Variants in SPECC1 observed in about 807,000 individuals in gnomAD.
SPECC1 encodes the protein cytospin-B.
SPECC1 carries 62 observed loss-of-function variants against 104.1 expected under a neutral mutation model. The observed-to-expected ratio is 0.60, with a 90% confidence interval of 0.49 to 0.74. The LOEUF (loss-of-function observed/expected upper bound fraction) is 0.74. Among genes scored for constraint, SPECC1 ranks in the 30% least tolerant of loss-of-function variants. The pLI is 0.00. For missense variants in SPECC1, 1,306 were observed against 1,310.5 expected, an observed-to-expected ratio of 1.00 and a Z score of 0.05; for synonymous variants, 513 against 501.6, an observed-to-expected ratio of 1.02 and a Z score of -0.30.
chr17:20,010,733 G>T (rs927802085), intron 1 of SPECC1, among the ~76,000 whole-genome samples: 3 of 152,084 alleles, frequency 2.0e-5, no homozygotes, highest in African/African-American at 7.2e-5. Context: ...GATTACTCTC[G>T]CTGCAGTGTT....
chr17:20,053,744 G>A (rs1422962129), intron 1 of SPECC1, among the ~76,000 whole-genome samples: 6 of 152,222 alleles, frequency 3.9e-5, no homozygotes, highest in Non-Finnish European at 8.8e-5. Flanking sequence ...CCCCAGTTGA[G>A]CCTTCAGATG....
chr17:20,310,760 G>A lies in SPECC1; in HGVS notation c.3118-3216G>A, dbSNP rs1310825029. Among the ~76,000 whole-genome samples the A allele has an allele frequency of 4.6e-5, 7 of 152,324 alleles. No homozygotes were observed. The East Asian group carries it at 1.2e-3, about 25-fold the overall frequency. ...CCCCGTGGAGGGAGGTCACCATGCA[G>A]CAATTCCTGAGGCATGGCTGGGCCT... On this transcript the variant is annotated intron_variant, in intron 14 of 14. Transcript: ENST00000395527.
At chr17:20,154,826 G>C (rs2032317417) in intron 3 of SPECC1, among the ~76,000 whole-genome samples, 1 of 152,150 alleles carries the variant, frequency 6.6e-6, no homozygotes, top group Non-Finnish European at 1.5e-5. Context: ...GAGAAGTGCT[G>C]AGATGTAGGG....
At chr17:20,289,378 T>G (rs1202217852) in intron 12 of SPECC1, among the ~76,000 whole-genome samples, 2 of 151,862 alleles carry the variant, frequency 1.3e-5, no homozygotes, top group Non-Finnish European at 2.9e-5. Flanking sequence ...CTAGGCTCAG[T>G]GCAACCTCTG....
At chr17:20,297,899 T>A (rs1395444057) in intron 13 of SPECC1, among the ~76,000 whole-genome samples, 1 of 152,226 alleles carries the variant, frequency 6.6e-6, no homozygotes, top group African/African-American at 2.4e-5. Context: ...TATGCCCTCA[T>A]GAGCTAGACA....
chr17:20,093,050 G>A (rs2047474103), intron 1 of SPECC1, among the ~76,000 whole-genome samples: 2 of 152,206 alleles, frequency 1.3e-5, no homozygotes, highest in African/African-American at 4.8e-5. Flanking sequence ...CTCCCTTGGG[G>A]AAATGAAGTT....
chr17:20,091,987 G>A (rs1053031859), intron 1 of SPECC1, among the ~76,000 whole-genome samples: 2 of 152,198 alleles, frequency 1.3e-5, no homozygotes, highest in Non-Finnish European at 2.9e-5. Flanking sequence ...AGCAGGAGAC[G>A]TGTGGACTCT....
At chr17:20,160,722 A>G (rs997002630) in intron 3 of SPECC1, among the ~76,000 whole-genome samples, 2 of 152,150 alleles carry the variant, frequency 1.3e-5, no homozygotes, top group African/African-American at 4.8e-5. Flanking sequence ...GATGCATTTC[A>G]ATGAAATGGT....
At chr17:20,302,015 T>A (rs1239690153) in intron 13 of SPECC1, among the ~76,000 whole-genome samples, 1 of 152,184 alleles carries the variant, frequency 6.6e-6, no homozygotes, top group Non-Finnish European at 1.5e-5. Flanking sequence ...CCATTTTTGT[T>A]TTTATTGTTT....
intron 1 of SPECC1, among the ~76,000 whole-genome samples, chr17:20,039,424 T>C (rs1017146349): frequency 2.0e-5 from 3 of 152,188 alleles, no homozygotes; most frequent in Non-Finnish European, 4.4e-5. Context: ...TATTCCTGTC[T>C]CTTGAAATTT....
chr17:20,308,389 C>CAAAAA (rs3072413), intron 14 of SPECC1, among the ~76,000 whole-genome samples: 2,494 of 64,956 alleles, frequency 0.038, 202 homozygotes, highest in East Asian at 0.064. Context: ...AACTCCATCT[C>CAAAAA]AAAAAAAAAA....
At chr17:20,241,701 ATTG>A (rs72469320) in intron 7 of SPECC1, among the ~76,000 whole-genome samples, 37,684 of 151,918 alleles carry the variant, frequency 0.25, 5,836 homozygotes, top group African/African-American at 0.45. Flanking sequence ...GTTTGTTTTT[ATTG>A]TTATATATGC....
At chr17:20,194,799 C>T (rs1405444126) in intron 3 of SPECC1, among the ~76,000 whole-genome samples, 1 of 152,050 alleles carries the variant, frequency 6.6e-6, no homozygotes, top group African/African-American at 2.4e-5. Context: ...CCACCATGCC[C>T]AGCCAAGAAA....
At chr17:20,277,544 GTTTTTCTT>G (rs1002407465) in intron 12 of SPECC1, among the ~76,000 whole-genome samples, 3 of 152,082 alleles carry the variant, frequency 2.0e-5, no homozygotes, top group Admixed American at 1.3e-4. Context: ...TCTTGATCTG[GTTTTTCTT>G]TTTTTCTTTT....
At position 20,227,585 on chromosome 17, in the gene SPECC1, A is replaced by G. The variant is rs776787441; in HGVS notation, c.2036A>G (p.Lys679Arg). 7 of 1,611,540 alleles carry G rather than the reference A, an allele frequency of 4.3e-6. No individual in the cohort carries two copies. The highest frequency in any genetic ancestry group is 5.9e-6 in the Non-Finnish European group (7 of 1,179,482). ...EDQVEQHRAV[K>R]LHNNQLISEL... The stretch of plus-strand genomic sequence containing the variant: ...CAGGTGGAACAGCACCGGGCTGTCA[A>G]GTTACACAATAATCAACTCATCAGT... Residue 679 changes from lysine to arginine, a missense_variant, in exon 5 of 15, where the codon AAG becomes AGG. This residue lies in a region of SPECC1 where 1,177 missense variants were observed against 1,139.9 expected (regional missense o/e 1.03). Coordinates refer to ENST00000395527, the MANE Select transcript of SPECC1 (RefSeq NM_001243439.2).
chr17:20,115,470 C>CAAAT (rs535781420), intron 3 of SPECC1, among the ~76,000 whole-genome samples: 198 of 151,280 alleles, frequency 1.3e-3, no homozygotes, highest in African/African-American at 2.6e-3. Flanking sequence ...AAGACTGTCT[C>CAAAT]AAATAAATAA....
intron 3 of SPECC1, among the ~76,000 whole-genome samples, chr17:20,196,066 A>G (rs1017638005): frequency 2.6e-5 from 4 of 152,308 alleles, no homozygotes; most frequent in African/African-American, 9.6e-5. Flanking sequence ...CTCTTTTACA[A>G]TTAATTTTTT....
intron 4 of SPECC1, among the ~76,000 whole-genome samples, chr17:20,222,087 G>A (rs9909156): frequency 0.12 from 18,021 of 150,472 alleles, 1,113 homozygotes; most frequent in Non-Finnish European, 0.13. Context: ...TAATCCCAGC[G>A]CTTTGGGAGG....
Position 20,047,312 on chromosome 17 carries a change from C to T in SPECC1, c.-22+37888C>T, listed in dbSNP as rs968678424. On this transcript the variant is annotated intron_variant, in intron 1 of 14. Coordinates refer to ENST00000395527, the MANE Select transcript of SPECC1 (RefSeq NM_001243439.2). The stretch of plus-strand genomic sequence containing the variant: ...GGCAGCATTCTTTTGTCTTCAGACT[C>T]CAGTGTTCTGGAGAAGACTGCAGAT... 2.6e-5 allele frequency among the ~76,000 whole-genome samples: 4 copies of T among 152,144 alleles called. No homozygotes were observed. In the East Asian group the frequency reaches 7.7e-4, roughly 29 times the overall value.
Sources: allele counts gnomAD v4.1 joint callset (sites outside exome capture counted in the v4.1 genomes callset), GRCh38; gene constraint gnomAD v4.1.1; regional missense constraint gnomAD v4.1.1; transcripts MANE v1.5; gene names NCBI Gene and HGNC (gene_info 2026-07-23, HGNC 2026-07-21).